VWCE: variants seen among roughly 807,000 people sequenced by gnomAD.
The protein encoded by VWCE is von Willebrand factor C and EGF domains, also known as von Willebrand factor C and EGF domain-containing protein.
In VWCE, 68 loss-of-function variants were observed where a neutral mutation model predicts 102.9. That is an observed-to-expected ratio of 0.66 (90% CI 0.54 to 0.81). VWCE has a LOEUF of 0.81. VWCE is among the 30% of genes least tolerant of loss of function. The pLI is 0.00. For synonymous variants in VWCE, 497 were observed against 515.4 expected (o/e 0.96, Z 0.48); for missense variants, 1,137 against 1,263.6 (o/e 0.90, Z 1.52).
intron 12 of VWCE, among the ~76,000 whole-genome samples, chr11:61,274,194 C>T (rs1854831476): frequency 6.6e-6 from 1 of 152,148 alleles, no homozygotes; most frequent in South Asian, 2.1e-4. Context: ...GCATCAGGAG[C>T]CCTGGGCACC....
intron 19 of VWCE, 78 bp downstream of exon 19, chr11:61,264,409 C>G: frequency 7.8e-6 from 11 of 1,417,242 alleles, no homozygotes; most frequent in Non-Finnish European, 1.1e-5. Flanking sequence ...CAGCCCTTTA[C>G]AAGTTCTATG....
At chr11:61,276,791 A>T in intron 10 of VWCE, 111 bp from the exon 11 acceptor site, 2 of 679,392 alleles carry the variant, frequency 2.9e-6, no homozygotes, top group South Asian at 9.6e-5. Context: ...AGGCCACAAG[A>T]AACCTTTAAA....
intron 1 of VWCE, among the ~76,000 whole-genome samples, chr11:61,292,058 A>T (rs1304925317): frequency 6.6e-6 from 1 of 152,134 alleles, no homozygotes; most frequent in Non-Finnish European, 1.5e-5. Context: ...CCTCGTTTCT[A>T]CTAAAAACAC....
chr11:61,292,685 A>T (rs867777604), intron 1 of VWCE, among the ~76,000 whole-genome samples: 2 of 152,282 alleles, frequency 1.3e-5, no homozygotes, highest in Middle Eastern at 6.8e-3. Flanking sequence ...GTAAGGCGTG[A>T]CCATACAGCC....
At chr11:61,265,252 G>A in intron 16 of VWCE, 40 bp from the exon 17 acceptor site, 1 of 1,446,150 alleles carries the variant, frequency 6.9e-7, no homozygotes, top group Non-Finnish European at 9.1e-7. Flanking sequence ...TCGGTTCAGG[G>A]CAGCTGACAA....
intron 14 of VWCE, among the ~76,000 whole-genome samples, chr11:61,270,906 C>A (rs996965538): frequency 6.6e-6 from 1 of 151,194 alleles, no homozygotes; most frequent in African/African-American, 2.4e-5. Flanking sequence ...CGGCTCACTG[C>A]AGCCTCGACC....
Position 61,258,570 on chromosome 11 carries a change from G to A in VWCE, c.*105C>T. 3 of 1,193,380 alleles carry A rather than the reference G, an allele frequency of 2.5e-6. No homozygotes were observed. Among genetic ancestry groups the A allele is most frequent in the East Asian group, 5.9e-5 (2 of 34,086 alleles). 73.9% of individuals were successfully genotyped at this position (1,193,380 alleles called of 1,614,324 possible). On this transcript the variant is annotated 3_prime_UTR_variant, in exon 20 of 20. Transcript: ENST00000335613. ...TCCTCACCAGGGCCCCTGCAGGAGGGAGCCCAGGCATCCCCACCAGGTTCA... is the reference window on the plus strand; with the variant it reads ...TCCTCACCAGGGCCCCTGCAGGAGGAAGCCCAGGCATCCCCACCAGGTTCA...
chr11:61,295,049 G>T lies in VWCE; in HGVS notation c.-12C>A. 2 of 1,364,580 alleles carry T rather than the reference G, an allele frequency of 1.5e-6. No individual in the cohort carries two copies. The highest frequency in any genetic ancestry group is 1.9e-6 in the Non-Finnish European group (2 of 1,055,752). 84.5% of individuals were successfully genotyped at this position (1,364,580 alleles called of 1,614,324 possible). On this transcript the variant is annotated 5_prime_UTR_variant, in exon 1 of 20. Coordinates refer to ENST00000335613, the MANE Select transcript of VWCE (RefSeq NM_152718.2). The surrounding 1 kb of genome is among the most constrained non-coding windows in gnomAD (Gnocchi z 4.6). ...AGTCCGGCCCACATGACCGGCGGCG[G>T]CGGGTCCCCCGGGCTGGGCTCGGCT... is the stretch of plus-strand genomic sequence containing the variant.
chr11:61,264,648 G>A, intron 18 of VWCE, 71 bp from the exon 19 acceptor site: 3 of 1,475,096 alleles, frequency 2.0e-6, no homozygotes, highest in African/African-American at 1.4e-5. Context: ...GCCCTCAAGG[G>A]CCTCTTGCAC....
At chr11:61,293,310 G>A (rs1419322629) in intron 1 of VWCE, among the ~76,000 whole-genome samples, 7 of 148,286 alleles carry the variant, frequency 4.7e-5, no homozygotes, top group Non-Finnish European at 8.9e-5. Context: ...CCAGCTGCTC[G>A]AGAGGCTGAG....
At chr11:61,281,685 GGA>G in intron 7 of VWCE, 99 bp downstream of exon 7, 1 of 1,422,642 alleles carries the variant, frequency 7.0e-7, no homozygotes, top group Non-Finnish European at 9.3e-7. Flanking sequence ...CTGGGCGCCG[GGA>G]GGGCGTGACG....
At chr11:61,260,438 A>ATTCTGTTCTG (rs532092833) in intron 19 of VWCE, among the ~76,000 whole-genome samples, 17 of 151,858 alleles carry the variant, frequency 1.1e-4, no homozygotes, top group Non-Finnish European at 1.9e-4. Flanking sequence ...CACACCTGGC[A>ATTCTGTTCTG]TTCTGTTCTG....
intron 13 of VWCE, 98 bp from the exon 14 acceptor site, chr11:61,271,858 G>T: frequency 1.9e-6 from 2 of 1,030,486 alleles, no homozygotes; most frequent in Non-Finnish European, 3.0e-6. Context: ...CACAGACACC[G>T]ATATCACTCA....
chr11:61,280,924 TC>T lies in VWCE; in HGVS notation c.1098del (p.Thr367ProfsTer48). On this transcript the variant is annotated frameshift_variant, in exon 8 of 20. Transcript: ENST00000335613. LOFTEE classifies it high-confidence loss of function. ...TCAGGGCCCCTGGGTGAGGAAGGGGTCCCCATCACCTCCCCCTGAAGGAGTG... is the reference window on the plus strand; with the variant it reads ...TCAGGGCCCCTGGGTGAGGAAGGGGTCCCATCACCTCCCCCTGAAGGAGTG... The part of the protein sequence containing the change: ...PPSLLQGEVM[G>X]TPSSPRGPES... 1 of 1,526,320 alleles carries T rather than the reference TC, an allele frequency of 6.6e-7. No individual in the cohort carries two copies. Among genetic ancestry groups the T allele is most frequent in the Non-Finnish European group, 8.8e-7 (1 of 1,139,362 alleles). The allele number at this position is 1,526,320 out of a possible 1,614,324, so 94.5% of individuals were successfully genotyped here. A position where few individuals can be genotyped will look rare whatever the true frequency, so the allele number is the denominator to read the frequency against.
chr11:61,285,517 C>G (rs961206431), intron 5 of VWCE, among the ~76,000 whole-genome samples: 1 of 152,066 alleles, frequency 6.6e-6, no homozygotes, highest in East Asian at 1.9e-4. Context: ...ATCCTACTCC[C>G]CAGGGTAGCT....
At chr11:61,290,068 T>A (rs1050346978) in intron 4 of VWCE, among the ~76,000 whole-genome samples, 1 of 152,228 alleles carries the variant, frequency 6.6e-6, no homozygotes, top group African/African-American at 2.4e-5. Flanking sequence ...TAAATGTCAT[T>A]TTCCCAAGGA....
In VWCE at chr11:61,265,125, G is replaced by T. The variant is rs150396966; in HGVS notation, c.2053C>A (p.Arg685=). The change falls in exon 17 of 20, where the codon CGA becomes AGA. Residue 685 remains arginine (R), a synonymous_variant. Transcript: ENST00000335613. ...TGGGGCAGCTGGTCCCACTCACCTC[G>T]GCACACGGGGCAGCACTCCCCGTCA... ...HPDGECCPVC[R]DCNYEGRKVA... 1.3e-5 allele frequency: 21 copies of T among 1,606,526 alleles called. No individual in the cohort carries two copies. Among genetic ancestry groups the T allele is most frequent in the Non-Finnish European group, 1.7e-5 (20 of 1,176,208 alleles).
rs61730167 is a variant in VWCE, at chr11:61,268,990, G to T, written c.1814C>A (p.Thr605Lys). Residue 605 changes from threonine to lysine, a missense_variant, in exon 15 of 20, where the codon ACA becomes AAA. Coordinates refer to ENST00000335613, the MANE Select transcript of VWCE (RefSeq NM_152718.2). Reference sequence around the variant, plus strand: ...GTGAGGGCAGGAGTCCACACAGTCTGTCCTCTTGCAGCTCACCGAGCCATC... The same window carrying T: ...GTGAGGGCAGGAGTCCACACAGTCTTTCCTCTTGCAGCTCACCGAGCCATC... ...QADGSVSCKRTDCVDSCPHPI... is the reference protein window; with the variant it reads ...QADGSVSCKRKDCVDSCPHPI... 5 of 1,614,132 alleles carry T rather than the reference G, an allele frequency of 3.1e-6. No individual in the cohort carries two copies. The highest frequency in any genetic ancestry group is 4.2e-6 in the Non-Finnish European group (5 of 1,180,046).
At chr11:61,265,073 C>T (rs1435565754) in intron 17 of VWCE, 35 bp from the exon 18 acceptor site, 7 of 1,613,860 alleles carry the variant, frequency 4.3e-6, no homozygotes, top group Non-Finnish European at 5.9e-6. Context: ...CCCATGAGAG[C>T]CGAGGCCTGG....
Sources: allele counts gnomAD v4.1 joint callset (sites outside exome capture counted in the v4.1 genomes callset), GRCh38; gene constraint gnomAD v4.1.1; non-coding constraint Gnocchi (gnomAD v3.1); transcripts MANE v1.5; gene names NCBI Gene and HGNC (gene_info 2026-07-23, HGNC 2026-07-21).